PYGL: variants seen among roughly 807,000 people sequenced by gnomAD.
PYGL encodes glycogen phosphorylase, liver form.
PYGL carries 90 observed loss-of-function variants against 100.1 expected under a neutral mutation model. The ratio of observed to expected loss-of-function variants is 0.90; its 90% confidence interval spans 0.76 to 1.07. The LOEUF (loss-of-function observed/expected upper bound fraction) is 1.07. PYGL is among the 50% of genes least tolerant of loss of function. The pLI is 0.00. For synonymous variants in PYGL, 373 were observed against 393.0 expected (o/e 0.95, Z 0.60); for missense variants, 1,016 against 1,057.6 (o/e 0.96, Z 0.55).
intron 4 of PYGL, among the ~76,000 whole-genome samples, chr14:50,925,989 C>T (rs2050544434): frequency 6.6e-6 from 1 of 152,136 alleles, no homozygotes; most frequent in Non-Finnish European, 1.5e-5. Context: ...CTACTGGTCC[C>T]TGAACCCCAC....
rs188226541 is a variant in PYGL at position 50,908,181 on chromosome 14, G to C, written c.2379+90C>G. 3 of 1,014,582 alleles carry C rather than the reference G, an allele frequency of 3.0e-6. No individual in the cohort carries two copies. The African/African-American group carries it at 4.8e-5, about 16-fold the overall frequency. The allele number at this position is 1,014,582 out of a possible 1,614,324, so 62.8% of individuals were successfully genotyped here. On this transcript the variant is annotated intron_variant, in intron 19 of 19. Coordinates refer to ENST00000216392, the MANE Select transcript of PYGL (RefSeq NM_002863.5). ...TTAATGGGGATCTGATATTACATGGGGATCTGATATTTGCATTTAATTAAA... is the reference window on the plus strand; with the variant it reads ...TTAATGGGGATCTGATATTACATGGCGATCTGATATTTGCATTTAATTAAA...
intron 17 of PYGL, among the ~76,000 whole-genome samples, chr14:50,909,661 GGCCGATAACAAATAGCAACTCCTCCAT>G (rs1156960801): frequency 6.6e-6 from 1 of 152,172 alleles, no homozygotes; most frequent in Non-Finnish European, 1.5e-5. Flanking sequence ...GCTCTGCAAT[GGCCGATAACAAATAGCAACTCCTCCAT>G]GTGTCTGTAC....
chr14:50,932,714 T>C (rs2050613334), intron 3 of PYGL, among the ~76,000 whole-genome samples: 1 of 152,234 alleles, frequency 6.6e-6, no homozygotes, highest in African/African-American at 2.4e-5. Flanking sequence ...AGGATCTGTC[T>C]TGTGGCTGGA....
At chr14:50,908,753 G>C in intron 18 of PYGL, 68 bp downstream of exon 18, 8 of 1,514,860 alleles carry the variant, frequency 5.3e-6, no homozygotes. Flanking sequence ...TTTTAGAGTT[G>C]GTTGGTTTAA....
At chr14:50,929,844 C>T (rs756697112) in intron 4 of PYGL, among the ~76,000 whole-genome samples, 1 of 152,080 alleles carries the variant, frequency 6.6e-6, no homozygotes, top group Non-Finnish European at 1.5e-5. Flanking sequence ...TTACAAAATA[C>T]ACATTATTTA....
intron 11 of PYGL, 72 bp downstream of exon 11, chr14:50,915,264 A>C (rs1415970811): frequency 7.1e-6 from 11 of 1,554,456 alleles, no homozygotes; most frequent in African/African-American, 1.4e-5. Flanking sequence ...CCTAAGTGCA[A>C]CCCTGCATTT....
intron 5 of PYGL, 74 bp from the exon 6 acceptor site, chr14:50,921,141 G>T (rs368550459): frequency 9.5e-6 from 11 of 1,161,418 alleles, no homozygotes; most frequent in Non-Finnish European, 1.3e-5. Context: ...GGGGCTGGGA[G>T]ACTGCAATGG....
At chr14:50,935,440 C>T (rs113495698) in intron 2 of PYGL, among the ~76,000 whole-genome samples, 2 of 152,114 alleles carry the variant, frequency 1.3e-5, no homozygotes, top group Admixed American at 1.3e-4. Context: ...CTTACATGAC[C>T]CTGGGCAAGC....
intron 2 of PYGL, 112 bp downstream of exon 2, chr14:50,937,624 G>A: frequency 3.9e-6 from 4 of 1,021,502 alleles, no homozygotes; most frequent in Non-Finnish European, 4.6e-6. Flanking sequence ...CATCTATAGA[G>A]GCGATTTTTC....
chr14:50,905,494 A>T lies in PYGL; in HGVS notation c.2442T>A (p.Ser814Arg). The T allele has an allele frequency of 6.2e-7, 1 of 1,613,900 alleles. No homozygotes were observed. The highest frequency in any genetic ancestry group is 2.2e-5 in the East Asian group (1 of 44,884). ...GGGCATATTCTTTAATTGTTCGGTCACTGGAGAATTTCCCCGAGGCAGCTA... is the reference window on the plus strand; with the variant it reads ...GGGCATATTCTTTAATTGTTCGGTCTCTGGAGAATTTCCCCGAGGCAGCTA... ...KNIAASGKFS[S>R]DRTIKEYAQN... Residue 814 changes from serine (S) to arginine (R), a missense_variant, in exon 20 of 20, where the codon AGT (serine) becomes AGA (arginine). Ser to Arg is a moderately radical substitution (Grantham distance 110). Coordinates refer to ENST00000216392, the MANE Select transcript of PYGL (RefSeq NM_002863.5).
At chr14:50,914,874 C>A in intron 11 of PYGL, 59 bp from the exon 12 acceptor site, 1 of 1,288,584 alleles carries the variant, frequency 7.8e-7, no homozygotes, top group Non-Finnish European at 1.1e-6. Flanking sequence ...GTCCTGCACA[C>A]TGGACAAAGT....
intron 5 of PYGL, 32 bp from the exon 6 acceptor site, chr14:50,921,099 G>A: frequency 6.5e-7 from 1 of 1,528,030 alleles, no homozygotes; most frequent in South Asian, 1.1e-5. Context: ...GCTGCTCATT[G>A]TTTCCCAAGT....
intron 2 of PYGL, among the ~76,000 whole-genome samples, chr14:50,936,384 G>T (rs568045240): frequency 6.6e-6 from 1 of 152,170 alleles, no homozygotes; most frequent in African/African-American, 2.4e-5. Flanking sequence ...TTCAACCTTG[G>T]TTATGCTTCT....
intron 7 of PYGL, among the ~76,000 whole-genome samples, chr14:50,919,358 T>C (rs1023916586): frequency 6.6e-6 from 1 of 152,216 alleles, no homozygotes; most frequent in Non-Finnish European, 1.5e-5. Context: ...AAAGGAATAA[T>C]AGCATATACC....
chr14:50,926,725 C>CAA lies in PYGL; in HGVS notation c.529-2627_529-2626dup, dbSNP rs60411526. ...TGGGAGACAGAGTGAGACTCTGTCT[C>CAA]AAAAAAAAAAAAAAAAAAAAAAAAA... On this transcript the variant is annotated intron_variant, in intron 4 of 19. Transcript: ENST00000216392. Among the ~76,000 whole-genome samples, 123 of 42,822 alleles carry CAA rather than the reference C, an allele frequency of 2.9e-3. 12 individuals carry two copies. The highest frequency in any genetic ancestry group is 3.2e-3 in the Non-Finnish European group (72 of 22,558). 28.1% of individuals were successfully genotyped at this position (42,822 alleles called of 152,430 possible).
At chr14:50,907,360 G>A (rs987019654) in intron 19 of PYGL, among the ~76,000 whole-genome samples, 2 of 152,074 alleles carry the variant, frequency 1.3e-5, no homozygotes, top group Admixed American at 1.3e-4. Flanking sequence ...AGAGAATAGG[G>A]GTCAGTCCTT....
intron 13 of PYGL, among the ~76,000 whole-genome samples, chr14:50,912,582 A>G (rs1197639602): frequency 6.6e-6 from 1 of 152,058 alleles, no homozygotes; most frequent in Admixed American, 6.5e-5. Context: ...ACCTCAGGTG[A>G]TTCACCCTCC....
At chr14:50,926,919 T>C (rs1276500515) in intron 4 of PYGL, among the ~76,000 whole-genome samples, 1 of 152,152 alleles carries the variant, frequency 6.6e-6, no homozygotes, top group East Asian at 1.9e-4. Context: ...CACTGCTTCC[T>C]GTAACAGGAA....
chr14:50,916,762 G>T (rs1454716439), intron 8 of PYGL, 28 bp from the exon 9 acceptor site: 1 of 1,594,886 alleles, frequency 6.3e-7, no homozygotes, highest in African/African-American at 1.3e-5. Context: ...TCAACATGAA[G>T]GCAACGGATG....
Sources: allele counts gnomAD v4.1 joint callset (sites outside exome capture counted in the v4.1 genomes callset), GRCh38; gene constraint gnomAD v4.1.1; transcripts MANE v1.5; gene names NCBI Gene and HGNC (gene_info 2026-07-23, HGNC 2026-07-21).